Variants in FHIT observed in about 807,000 individuals in gnomAD.
FHIT encodes the protein bis(5'-adenosyl)-triphosphatase.
In FHIT, 19 loss-of-function variants were observed where a neutral mutation model predicts 17.9. The ratio of observed to expected loss-of-function variants is 1.06; its 90% confidence interval spans 0.74 to 1.56. The LOEUF (loss-of-function observed/expected upper bound fraction) is 1.56, where lower values mean the gene tolerates loss of function less well. FHIT is among the 40% of genes most tolerant of loss of function. FHIT has a pLI of 0.00. For synonymous variants in FHIT, 81 were observed against 69.7 expected (o/e 1.16, Z -0.81); for missense variants, 248 against 189.2 (o/e 1.31, Z -1.82).
At chr3:59,856,072 C>T (rs557420767) in intron 8 of FHIT, among the ~76,000 whole-genome samples, 11 of 152,008 alleles carry the variant, frequency 7.2e-5, no homozygotes, top group African/African-American at 2.2e-4. Flanking sequence ...TGAGCCACCA[C>T]GCCCAGCCAA....
At chr3:60,496,868 T>C (rs1305529990) in intron 5 of FHIT, among the ~76,000 whole-genome samples, 1 of 152,104 alleles carries the variant, frequency 6.6e-6, no homozygotes, top group Non-Finnish European at 1.5e-5. Flanking sequence ...AAGAAACTGA[T>C]TATGTACAGC....
At chr3:60,637,702 T>C (rs1577010996) in intron 4 of FHIT, among the ~76,000 whole-genome samples, 2 of 152,196 alleles carry the variant, frequency 1.3e-5, no homozygotes, top group Admixed American at 6.5e-5. Context: ...CTAAAACATA[T>C]ATACAGTATG....
At chr3:61,172,542 T>G (rs2038036331) in intron 2 of FHIT, among the ~76,000 whole-genome samples, 1 of 152,304 alleles carries the variant, frequency 6.6e-6, no homozygotes, top group African/African-American at 2.4e-5. Context: ...TTGAATTATG[T>G]GATAGTATTA....
intron 5 of FHIT, among the ~76,000 whole-genome samples, chr3:60,262,209 G>A (rs1022380142): frequency 2.6e-5 from 4 of 152,026 alleles, no homozygotes; most frequent in African/African-American, 9.7e-5. Context: ...AAGATCCAAA[G>A]AATGTCAAAG....
rs1559897379 is a variant in FHIT, at chr3:60,418,426, A to ATGTG, written c.103+118433_103+118434insCACA. ...TATATATATATATATATATATATAT[A>ATGTG]CGTGTATACACACACACCACAGACG... On this transcript the variant is annotated intron_variant, in intron 5 of 9. Transcript: ENST00000492590. Among the ~76,000 whole-genome samples, 7 of 15,190 alleles carry ATGTG rather than the reference A, an allele frequency of 4.6e-4. 1 individual carries two copies. The highest frequency in any genetic ancestry group is 5.3e-4 in the Non-Finnish European group (3 of 5,704). 10.0% of individuals were successfully genotyped at this position (15,190 alleles called of 152,430 possible).
At position 60,592,266 on chromosome 3, in the gene FHIT, C is replaced by CTA. The variant is rs1247828666; in HGVS notation, c.-17-55288_-17-55287insTA. Among the ~76,000 whole-genome samples the CTA allele has an allele frequency of 2.0e-3, 290 of 142,240 alleles. 2 individuals carry two copies. The highest frequency in any genetic ancestry group is 6.5e-3 in the African/African-American group (260 of 39,928). 93.3% of individuals were successfully genotyped at this position (142,240 alleles called of 152,430 possible). On this transcript the variant is annotated intron_variant, in intron 4 of 9. Transcript: ENST00000492590. ...CATATATATACTATATATACTCTCT[C>CTA]TCTATATATATATATATATAAAATC...
At chr3:60,598,241 A>T (rs1323203667) in intron 4 of FHIT, among the ~76,000 whole-genome samples, 2 of 152,112 alleles carry the variant, frequency 1.3e-5, no homozygotes, top group Admixed American at 1.3e-4. Context: ...AGCTGAATAA[A>T]TGTGTTCTTT....
At chr3:60,544,158 G>A (rs2036283434) in intron 4 of FHIT, among the ~76,000 whole-genome samples, 1 of 151,476 alleles carries the variant, frequency 6.6e-6, no homozygotes, top group South Asian at 2.1e-4. Context: ...ATACTGCATT[G>A]GTCAGCTATG....
chr3:60,075,250 G>A (rs1299066300), intron 5 of FHIT, among the ~76,000 whole-genome samples: 2 of 152,064 alleles, frequency 1.3e-5, no homozygotes, highest in Non-Finnish European at 2.9e-5. Context: ...TCAATTTAAA[G>A]TGGGGAGCTC....
intron 5 of FHIT, among the ~76,000 whole-genome samples, chr3:60,197,695 G>T (rs1459748465): frequency 6.6e-6 from 1 of 152,190 alleles, no homozygotes; most frequent in Middle Eastern, 3.4e-3. Flanking sequence ...TGGTAGAGGG[G>T]GTCAAATGAA....
At chr3:60,753,747 A>G (rs1553717533) in intron 4 of FHIT, among the ~76,000 whole-genome samples, 2 of 152,204 alleles carry the variant, frequency 1.3e-5, no homozygotes, top group African/African-American at 2.4e-5. Flanking sequence ...AAAATTGAAG[A>G]GGGTGAGGCC....
intron 5 of FHIT, among the ~76,000 whole-genome samples, chr3:60,172,634 G>A (rs1425814428): frequency 2.0e-5 from 3 of 152,062 alleles, no homozygotes; most frequent in African/African-American, 4.8e-5. Context: ...CAGAAAAAAT[G>A]TTGGGAAAAC....
chr3:60,926,715 T>C (rs561650335), intron 3 of FHIT, among the ~76,000 whole-genome samples: 7 of 152,174 alleles, frequency 4.6e-5, no homozygotes, highest in Admixed American at 4.6e-4. Flanking sequence ...AGAGCAGAAC[T>C]GAAGGAGATA....
At chr3:60,451,506 C>T (rs948168570) in intron 5 of FHIT, among the ~76,000 whole-genome samples, 3 of 151,992 alleles carry the variant, frequency 2.0e-5, no homozygotes, top group Non-Finnish European at 4.4e-5. Context: ...AAAAATGAAA[C>T]CATATAGTAC....
intron 3 of FHIT, among the ~76,000 whole-genome samples, chr3:61,005,554 C>T: frequency 6.6e-6 from 1 of 152,096 alleles, no homozygotes; most frequent in East Asian, 1.9e-4. Context: ...CTGCAACAGA[C>T]ACGAAGAATT....
intron 4 of FHIT, among the ~76,000 whole-genome samples, chr3:60,628,239 C>T (rs1344104773): frequency 6.6e-6 from 1 of 152,056 alleles, no homozygotes; most frequent in Non-Finnish European, 1.5e-5. Context: ...TGTTTAAGTT[C>T]TGTGTATTTG....
At chr3:60,411,596 T>G (rs1190135445) in intron 5 of FHIT, among the ~76,000 whole-genome samples, 1 of 152,218 alleles carries the variant, frequency 6.6e-6, no homozygotes, top group East Asian at 1.9e-4. Context: ...AGCTGAACGT[T>G]GTTTATTTCC....
chr3:60,400,499 T>G (rs1187264401), intron 5 of FHIT, among the ~76,000 whole-genome samples: 11 of 152,102 alleles, frequency 7.2e-5, no homozygotes, highest in African/African-American at 2.7e-4. Flanking sequence ...AATGTTGGTG[T>G]TAGAAACACC....
chr3:60,265,872 G>A (rs1706547956), intron 5 of FHIT, among the ~76,000 whole-genome samples: 1 of 151,778 alleles, frequency 6.6e-6, no homozygotes, highest in South Asian at 2.1e-4. Context: ...TAAACACCAT[G>A]AGTCACCATT....
Sources: allele counts gnomAD v4.1 joint callset (sites outside exome capture counted in the v4.1 genomes callset), GRCh38; gene constraint gnomAD v4.1.1; transcripts MANE v1.5; gene names NCBI Gene and HGNC (gene_info 2026-07-23, HGNC 2026-07-21).